Variants in UGGT1 observed in about 807,000 individuals in gnomAD.
UGGT1 encodes UDP-glucose glycoprotein glucosyltransferase 1.
Under a neutral mutation model 203.9 loss-of-function variants are expected in UGGT1, and 107 were observed. The ratio of observed to expected loss-of-function variants is 0.52; its 90% CI spans 0.45 to 0.62. The LOEUF (loss-of-function observed/expected upper bound fraction) is 0.62, where lower values mean the gene tolerates loss of function less well. Among genes scored for constraint, UGGT1 ranks in the 20% least tolerant of loss-of-function variants. The pLI, the probability that UGGT1 is intolerant of heterozygous loss-of-function variation, is 0.00. For synonymous variants in UGGT1, 628 were observed against 653.5 expected, an observed-to-expected ratio of 0.96 and a Z score of 0.59; for missense variants, 1,673 against 1,867.2, an observed-to-expected ratio of 0.90 and a Z score of 1.92.
chr2:128,161,849 A>G (rs376153285), intron 25 of UGGT1, among the ~76,000 whole-genome samples: 36 of 152,212 alleles, frequency 2.4e-4, no homozygotes, highest in African/African-American at 8.4e-4. Context: ...ATTGTTACAT[A>G]TATGTAGTTT....
At chr2:128,156,352 G>A in intron 20 of UGGT1, 40 bp from the exon 21 acceptor site, 1 of 1,515,380 alleles carries the variant, frequency 6.6e-7, no homozygotes, top group Non-Finnish European at 9.1e-7. Context: ...TTCCAGAAAT[G>A]ATACTTTTTT....
At position 128,159,607 on chromosome 2, in the gene UGGT1, G is replaced by A; in HGVS notation, c.2449G>A (p.Ala817Thr). The change falls in exon 23 of 41, where the codon GCT (alanine) becomes ACT (threonine). Residue 817 changes from alanine to threonine, a missense_variant. Physicochemically the swap from Ala to Thr is moderately conservative, Grantham distance 58 (BLOSUM62 0). Around this residue, in one of 4 missense-constraint regions of UGGT1, gnomAD observed 1,073 missense variants for 1,078.7 expected, o/e 0.99. Transcript: ENST00000259253. ...NTQISRAIWA[A>T]LQTQTSNAAK... is the part of the protein sequence containing the mutation. Reference sequence around the variant, plus strand: ...TCAGATCTCCAGAGCAATCTGGGCAGCTCTCCAAACTCAGACTTCCAACGC... The same window carrying A: ...TCAGATCTCCAGAGCAATCTGGGCAACTCTCCAAACTCAGACTTCCAACGC... 1.2e-6 allele frequency: 2 copies of A among 1,614,180 alleles called. No homozygotes were observed. The highest frequency in any genetic ancestry group is 1.7e-6 in the Non-Finnish European group (2 of 1,180,028).
At chr2:128,133,528 T>C (rs1688984535) in intron 14 of UGGT1, among the ~76,000 whole-genome samples, 1 of 152,242 alleles carries the variant, frequency 6.6e-6, no homozygotes, top group Non-Finnish European at 1.5e-5. Flanking sequence ...ATTGTTTTAG[T>C]CTTTTAATTT....
intron 16 of UGGT1, among the ~76,000 whole-genome samples, chr2:128,140,795 G>C (rs1001563153): frequency 6.6e-6 from 1 of 152,148 alleles, no homozygotes; most frequent in Non-Finnish European, 1.5e-5. Context: ...TCCTGCCTCA[G>C]CTTCCTGGAA....
At chr2:128,142,410 C>T (rs1689479491) in intron 16 of UGGT1, among the ~76,000 whole-genome samples, 1 of 147,596 alleles carries the variant, frequency 6.8e-6, no homozygotes, top group Admixed American at 6.8e-5. Flanking sequence ...ATGGTGAAAC[C>T]CCGTCTCTAC....
At chr2:128,169,590 A>C (rs1313647259) in intron 26 of UGGT1, among the ~76,000 whole-genome samples, 3 of 152,188 alleles carry the variant, frequency 2.0e-5, no homozygotes, top group African/African-American at 7.2e-5. Flanking sequence ...AAATGTGGAG[A>C]AAGTTGGTTG....
chr2:128,107,920 A>G lies in UGGT1; in HGVS notation c.278-18A>G, dbSNP rs201296335. The G allele has an allele frequency of 1.2e-5, 19 of 1,613,948 alleles. No individual in the cohort carries two copies. Among genetic ancestry groups the G allele is most frequent in the Non-Finnish European group, 1.6e-5 (19 of 1,179,922 alleles). On this transcript the variant is annotated intron_variant, in intron 3 of 40. Coordinates refer to ENST00000259253, the MANE Select transcript of UGGT1 (RefSeq NM_020120.4). ...CTAGTCATACGCAATTACTTTGGTT[A>G]ATGTTCTTCCTTGACAGGTACCGAT...
At chr2:128,181,863 G>C (rs1384933507) in intron 36 of UGGT1, among the ~76,000 whole-genome samples, 1 of 152,202 alleles carries the variant, frequency 6.6e-6, no homozygotes, top group Non-Finnish European at 1.5e-5. Context: ...CCATTTTACA[G>C]ATGAAGAAAC....
chr2:128,144,506 T>C (rs1689585810), intron 17 of UGGT1, among the ~76,000 whole-genome samples: 1 of 152,230 alleles, frequency 6.6e-6, no homozygotes, highest in Non-Finnish European at 1.5e-5. Flanking sequence ...CTTGTTTTAA[T>C]TGGTTGACAG....
Position 128,182,170 on chromosome 2 carries a change from T to A in UGGT1, c.4124T>A (p.Leu1375Ter). The A allele has an allele frequency of 6.2e-7, 1 of 1,614,168 alleles. No individual in the cohort carries two copies. Among genetic ancestry groups the A allele is most frequent in the Non-Finnish European group, 8.5e-7 (1 of 1,180,012 alleles). ...CTGAAAGAGTTAAGAGATTTCAATT[T>A]GGATGGTGCTCCTTATGGTTACACT... The part of the protein sequence containing the change: ...TDLKELRDFN[L>*]DGAPYGYTPF... The change falls in exon 37 of 41, where the codon TTG (leucine) becomes TAG (stop). Residue 1375 changes from leucine (L) to a stop codon, truncating the protein, a stop_gained. Coordinates refer to ENST00000259253, the MANE Select transcript of UGGT1 (RefSeq NM_020120.4). LOFTEE classifies it high-confidence loss of function.
intron 18 of UGGT1, among the ~76,000 whole-genome samples, chr2:128,148,981 T>G (rs138653015): frequency 6.6e-6 from 1 of 152,124 alleles, no homozygotes; most frequent in African/African-American, 2.4e-5. Flanking sequence ...TTTCAAGGCT[T>G]TGTGCAGCTG....
At position 128,096,160 on chromosome 2, in the gene UGGT1, G is replaced by A. The variant is rs56281264; in HGVS notation, c.59-1269G>A. 5.1e-3 allele frequency among the ~76,000 whole-genome samples: 776 copies of A among 152,288 alleles called. 10 individuals are homozygous for A. The highest frequency in any genetic ancestry group is 0.016 in the African/African-American group (685 of 41,546). On this transcript the variant is annotated intron_variant, in intron 1 of 40. Transcript: ENST00000259253. The stretch of plus-strand genomic sequence containing the variant: ...GGAGCGGCTGCGGAGGGTGTCAAGA[G>A]GCCTGCATTCTGTGGCCATCCACTT...
intron 21 of UGGT1, among the ~76,000 whole-genome samples, chr2:128,156,658 A>G (rs1424536669): frequency 1.3e-5 from 2 of 151,546 alleles, no homozygotes; most frequent in African/African-American, 4.9e-5. Context: ...TCTGGGTTCA[A>G]GTGATTTCAA....
chr2:128,145,989 AT>A, intron 18 of UGGT1, 22 bp downstream of exon 18: 3 of 1,613,086 alleles, frequency 1.9e-6, no homozygotes, highest in Non-Finnish European at 2.5e-6. Flanking sequence ...TTCAAGGCTG[AT>A]TTTTTAAAGA....
chr2:128,146,156 A>G (rs563719116), intron 18 of UGGT1, among the ~76,000 whole-genome samples, 189 bp downstream of exon 18: 4 of 152,062 alleles, frequency 2.6e-5, no homozygotes, highest in Middle Eastern at 3.2e-3. Flanking sequence ...AAAAGAAATT[A>G]AAAAATTAGC....
chr2:128,158,455 A>C (rs962517721), intron 22 of UGGT1, among the ~76,000 whole-genome samples: 1 of 152,218 alleles, frequency 6.6e-6, no homozygotes, highest in African/African-American at 2.4e-5. Flanking sequence ...AGTTTATTAA[A>C]ATGGAATGTT....
chr2:128,114,951 T>G (rs539825217), intron 6 of UGGT1, among the ~76,000 whole-genome samples, 173 bp from the exon 7 acceptor site: 1 of 152,222 alleles, frequency 6.6e-6, no homozygotes, highest in Non-Finnish European at 1.5e-5. Context: ...AAAATTTGTT[T>G]AGTGAACTTT....
chr2:128,179,670 GC>G (rs1224992511), intron 34 of UGGT1, 115 bp from the exon 35 acceptor site: 4 of 785,934 alleles, frequency 5.1e-6, no homozygotes, highest in Non-Finnish European at 8.1e-6. Context: ...GCCTAATTGA[GC>G]CATTAGTTAG....
At chr2:128,164,907 C>T in intron 26 of UGGT1, 82 bp downstream of exon 26, 1 of 1,045,014 alleles carries the variant, frequency 9.6e-7, no homozygotes, top group Non-Finnish European at 1.4e-6. Context: ...TTCATTTTTC[C>T]ATATAAGATT....
Sources: allele counts gnomAD v4.1 joint callset (sites outside exome capture counted in the v4.1 genomes callset), GRCh38; gene constraint gnomAD v4.1.1; regional missense constraint gnomAD v4.1.1; transcripts MANE v1.5; gene names NCBI Gene and HGNC (gene_info 2026-07-23, HGNC 2026-07-21).